Variants in CNTN5 observed in about 807,000 individuals in gnomAD.
CNTN5 encodes the protein contactin 5, also known as contactin-5.
In CNTN5, 77 loss-of-function variants were observed where a neutral mutation model predicts 129.1. That is an observed-to-expected ratio of 0.60 (90% confidence interval 0.50 to 0.72). The LOEUF (loss-of-function observed/expected upper bound fraction) is 0.72, where lower values mean the gene tolerates loss of function less well. CNTN5 is among the 30% of genes least tolerant of loss of function. The pLI is 0.00. For missense variants in CNTN5, 1,478 were observed against 1,328.8 expected, an observed-to-expected ratio of 1.11 and a Z score of -1.75; for synonymous variants, 509 against 465.6, an observed-to-expected ratio of 1.09 and a Z score of -1.20.
chr11:99,969,904 T>C (rs1445464705), intron 8 of CNTN5, among the ~76,000 whole-genome samples: 1 of 152,170 alleles, frequency 6.6e-6, no homozygotes, highest in Non-Finnish European at 1.5e-5. Flanking sequence ...CTCACCCCCA[T>C]GATATTTTTA....
chr11:99,824,133 A>G (rs1227818613), intron 4 of CNTN5, among the ~76,000 whole-genome samples: 1 of 151,930 alleles, frequency 6.6e-6, no homozygotes, highest in Non-Finnish European at 1.5e-5. Flanking sequence ...TTCATGCCTC[A>G]TTGGTAATTG....
chr11:100,175,623 C>T (rs932802954), intron 13 of CNTN5, among the ~76,000 whole-genome samples: 3 of 151,964 alleles, frequency 2.0e-5, no homozygotes, highest in African/African-American at 2.4e-5. Flanking sequence ...GAGACACTGA[C>T]GGGAAAATAT....
intron 1 of CNTN5, among the ~76,000 whole-genome samples, chr11:99,051,426 C>A (rs1480535719): frequency 6.6e-6 from 1 of 151,848 alleles, no homozygotes; most frequent in Non-Finnish European, 1.5e-5. Flanking sequence ...TCTGAAAGTA[C>A]AGCATTTATT....
chr11:99,257,742 A>C (rs1862442768), intron 1 of CNTN5, among the ~76,000 whole-genome samples: 1 of 152,124 alleles, frequency 6.6e-6, no homozygotes, highest in African/African-American at 2.4e-5. Context: ...TACATACACA[A>C]GCATCCTGTA....
At chr11:99,823,603 T>C (rs1458198032) in intron 4 of CNTN5, among the ~76,000 whole-genome samples, 2 of 152,166 alleles carry the variant, frequency 1.3e-5, no homozygotes, top group Non-Finnish European at 2.9e-5. Context: ...AAATGTATTA[T>C]TCTTTATTCA....
chr11:99,202,979 T>C (rs940087867), intron 1 of CNTN5, among the ~76,000 whole-genome samples: 2 of 141,372 alleles, frequency 1.4e-5, no homozygotes, highest in African/African-American at 5.3e-5. Context: ...GAGAAAAGAA[T>C]GAATGAAAGA....
intron 7 of CNTN5, among the ~76,000 whole-genome samples, chr11:99,923,359 T>G (rs1949982234): frequency 6.6e-6 from 1 of 152,166 alleles, no homozygotes; most frequent in African/African-American, 2.4e-5. Context: ...TTAGTAATTT[T>G]GAAATTGAGG....
intron 16 of CNTN5, among the ~76,000 whole-genome samples, chr11:100,247,349 G>T (rs532347874): frequency 6.6e-6 from 1 of 151,934 alleles, no homozygotes; most frequent in Non-Finnish European, 1.5e-5. Flanking sequence ...ATTGCTTTTG[G>T]AAAAAAAGGA....
intron 2 of CNTN5, among the ~76,000 whole-genome samples, chr11:99,397,563 C>T (rs185093206): frequency 2.0e-5 from 3 of 151,944 alleles, no homozygotes; most frequent in African/African-American, 7.2e-5. Context: ...GTTGGATACT[C>T]ATTTTAAGCT....
intron 1 of CNTN5, among the ~76,000 whole-genome samples, chr11:99,272,418 T>C (rs566660399): frequency 6.6e-5 from 10 of 151,870 alleles, no homozygotes; most frequent in African/African-American, 2.2e-4. Flanking sequence ...ATAGTATTTT[T>C]ACAAAATTAT....
chr11:99,710,933 C>A (rs1954959829), intron 3 of CNTN5, among the ~76,000 whole-genome samples: 1 of 151,800 alleles, frequency 6.6e-6, no homozygotes, highest in South Asian at 2.1e-4. Context: ...ACGCAAAATG[C>A]AGAATGCCCA....
At chr11:99,884,827 A>G (rs1278007379) in intron 6 of CNTN5, among the ~76,000 whole-genome samples, 1 of 152,148 alleles carries the variant, frequency 6.6e-6, no homozygotes, top group East Asian at 1.9e-4. Flanking sequence ...AACTACAGAA[A>G]TTAGCTGGGT....
intron 10 of CNTN5, 43 bp from the exon 11 acceptor site, chr11:100,070,381 T>G (rs201913776): frequency 2.3e-5 from 36 of 1,567,002 alleles, no homozygotes; most frequent in Non-Finnish European, 2.8e-5. Context: ...GTAAAGCGTT[T>G]GAGAAATGAA....
chr11:99,218,907 G>C lies in CNTN5; in HGVS notation c.-209-106439G>C, dbSNP rs147014732. ...CCTGTTCTGATGCTTAGATTATGAA[G>C]GTAGGAGCCATTTAGAATCTCTTAG... On this transcript the variant is annotated intron_variant, in intron 1 of 24. Coordinates refer to ENST00000524871, the MANE Select transcript of CNTN5 (RefSeq NM_014361.4). 3.2e-3 allele frequency among the ~76,000 whole-genome samples: 481 copies of C among 152,120 alleles called. 1 individual carries two copies. Among genetic ancestry groups the C allele is most frequent in the African/African-American group, 0.011 (461 of 41,536 alleles).
At chr11:100,111,703 G>T (rs1213934666) in intron 13 of CNTN5, among the ~76,000 whole-genome samples, 1 of 152,056 alleles carries the variant, frequency 6.6e-6, no homozygotes, top group African/African-American at 2.4e-5. Context: ...ATCCATTATT[G>T]TTGACTATAG....
intron 7 of CNTN5, among the ~76,000 whole-genome samples, chr11:99,923,679 G>T (rs1949989371): frequency 6.6e-6 from 1 of 151,992 alleles, no homozygotes; most frequent in South Asian, 2.1e-4. Flanking sequence ...GAGCTAATTT[G>T]CATTCCCATG....
At chr11:99,511,304 A>G (rs1946826964) in intron 2 of CNTN5, among the ~76,000 whole-genome samples, 1 of 152,090 alleles carries the variant, frequency 6.6e-6, no homozygotes, top group South Asian at 2.1e-4. Context: ...TTACGTACCC[A>G]GTAGTCATTC....
At chr11:99,512,470 A>G (rs994720062) in intron 2 of CNTN5, among the ~76,000 whole-genome samples, 5 of 152,194 alleles carry the variant, frequency 3.3e-5, no homozygotes, top group Middle Eastern at 3.2e-3. Flanking sequence ...GAGTGACTGT[A>G]TAGGCATACC....
chr11:99,457,122 G>A (rs1412949297), intron 2 of CNTN5, among the ~76,000 whole-genome samples: 1 of 151,882 alleles, frequency 6.6e-6, no homozygotes, highest in Non-Finnish European at 1.5e-5. Context: ...AATGAACATA[G>A]GTGTATATAA....
Sources: gnomAD v4.1 joint callset for allele counts (sites outside exome capture counted in the v4.1 genomes callset) on GRCh38, gnomAD v4.1.1 for gene constraint, MANE v1.5 for transcripts, NCBI Gene and HGNC (gene_info 2026-07-23, HGNC 2026-07-21) for gene names.